NAALADL2: variants seen among roughly 807,000 people sequenced by gnomAD.
NAALADL2 encodes the protein inactive N-acetylated-alpha-linked acidic dipeptidase-like protein 2.
Under a neutral mutation model 87.2 loss-of-function variants are expected in NAALADL2, and 76 were observed. The observed-to-expected ratio is 0.87, with a 90% CI of 0.72 to 1.05. The LOEUF (loss-of-function observed/expected upper bound fraction) is 1.05, where lower values mean the gene tolerates loss of function less well. NAALADL2 is among the 50% of genes least tolerant of loss of function. The pLI, the probability that NAALADL2 is intolerant of heterozygous loss-of-function variation, is 0.00. For synonymous variants in NAALADL2, 354 were observed against 331.0 expected (o/e 1.07, Z -0.75); for missense variants, 1,089 against 945.8 (o/e 1.15, Z -1.99).
chr3:175,191,559 A>C (rs536051364), intron 2 of NAALADL2, among the ~76,000 whole-genome samples: 146 of 152,264 alleles, frequency 9.6e-4, no homozygotes, highest in African/African-American at 3.4e-3. Context: ...CCCAGAAAGC[A>C]CCCCCTGAAT....
intron 10 of NAALADL2, among the ~76,000 whole-genome samples, chr3:175,618,406 C>A (rs1251079253): frequency 6.6e-6 from 1 of 152,196 alleles, no homozygotes; most frequent in Non-Finnish European, 1.5e-5. Flanking sequence ...CCAAAGGGAA[C>A]TGATTCCCCT....
intron 13 of NAALADL2, among the ~76,000 whole-genome samples, chr3:175,766,870 G>A (rs1439757307): frequency 6.6e-6 from 1 of 152,006 alleles, no homozygotes; most frequent in Non-Finnish European, 1.5e-5. Flanking sequence ...ATTTTGAGTA[G>A]CAAAATTTTC....
chr3:175,195,751 A>G (rs1444066445), intron 2 of NAALADL2, among the ~76,000 whole-genome samples: 1 of 151,934 alleles, frequency 6.6e-6, no homozygotes, highest in Non-Finnish European at 1.5e-5. Context: ...TCCATGTTGA[A>G]TTTATTGTTA....
intron 1 of NAALADL2, 37 bp downstream of exon 1, chr3:174,859,487 C>T: frequency 6.4e-7 from 1 of 1,550,740 alleles, no homozygotes; most frequent in Non-Finnish European, 8.9e-7. Context: ...TCACTTTTCA[C>T]AATCAGAAAC....
At chr3:174,803,938 T>C (rs1347554504) in intron 3 of NAALADL2, among the ~76,000 whole-genome samples, 2 of 152,100 alleles carry the variant, frequency 1.3e-5, no homozygotes, top group African/African-American at 2.4e-5. Flanking sequence ...CTTAGGATTG[T>C]CGTGGCTATG....
intron 11 of NAALADL2, among the ~76,000 whole-genome samples, chr3:175,667,223 G>GAAAAAGAAAGAA (rs1156518991): frequency 7.9e-6 from 1 of 127,026 alleles, no homozygotes; most frequent in African/African-American, 4.1e-5. Context: ...AAGAAAGAAA[G>GAAAAAGAAAGAA]AAAGAAAGAA....
intron 1 of NAALADL2, among the ~76,000 whole-genome samples, chr3:174,930,288 A>AT (rs1183865792): frequency 5.9e-5 from 9 of 152,096 alleles, no homozygotes; most frequent in South Asian, 4.1e-4. Flanking sequence ...ATTCCCTGTG[A>AT]TTTTTTTAAA....
rs146461983 is a variant in NAALADL2, at chr3:175,086,790, G to A, written c.44-10000G>A. On this transcript the variant is annotated intron_variant, in intron 1 of 13. Coordinates refer to ENST00000454872, the MANE Select transcript of NAALADL2 (RefSeq NM_207015.3). The stretch of plus-strand genomic sequence containing the variant: ...CTTACCCAAAACTATTAGTAGACAT[G>A]TCTATAAATTTGTAATAAAGATTAA... 2.0e-4 allele frequency among the ~76,000 whole-genome samples: 30 copies of A among 152,170 alleles called. No individual in the cohort carries two copies. In the East Asian group the frequency reaches 5.6e-3, roughly 28 times the overall value.
intron 1 of NAALADL2, among the ~76,000 whole-genome samples, chr3:174,478,108 C>A (rs927400928): frequency 6.6e-6 from 1 of 152,018 alleles, no homozygotes; most frequent in Non-Finnish European, 1.5e-5. Flanking sequence ...AATTATGATA[C>A]AAAATTTAAA....
intron 3 of NAALADL2, among the ~76,000 whole-genome samples, chr3:174,835,593 A>T (rs1401936344): frequency 6.6e-6 from 1 of 152,196 alleles, no homozygotes; most frequent in Non-Finnish European, 1.5e-5. Context: ...GATATTTGTA[A>T]ATCATATATC....
Position 174,547,057 on chromosome 3 carries a change from T to A in NAALADL2, c.-183-3512T>A, listed in dbSNP as rs146207512. Reference sequence around the variant, plus strand: ...TTTCAAAGAGAAGAGTAAGGCATTATATTATTCATTAGATTGATTAGTTTT... The same window carrying A: ...TTTCAAAGAGAAGAGTAAGGCATTAAATTATTCATTAGATTGATTAGTTTT... On this transcript the variant is annotated intron_variant, in intron 1 of 3. Transcript: ENST00000434257. Among the ~76,000 whole-genome samples, 49 of 152,324 alleles carry A rather than the reference T, an allele frequency of 3.2e-4. No homozygotes were observed. The East Asian group carries it at 9.5e-3, about 29-fold the overall frequency.
chr3:175,183,486 C>T (rs1241425589), intron 2 of NAALADL2, among the ~76,000 whole-genome samples: 1 of 151,864 alleles, frequency 6.6e-6, no homozygotes, highest in Non-Finnish European at 1.5e-5. Flanking sequence ...CATATATGGC[C>T]TTTATTGTGT....
chr3:174,625,057 C>T (rs866691168), intron 2 of NAALADL2, among the ~76,000 whole-genome samples: 34 of 78,852 alleles, frequency 4.3e-4, no homozygotes, highest in African/African-American at 1.0e-3. Context: ...CTCTCTCTCT[C>T]TTTTTTTTTT....
chr3:175,478,290 C>A (rs540615509), intron 9 of NAALADL2, among the ~76,000 whole-genome samples: 1 of 151,970 alleles, frequency 6.6e-6, no homozygotes, highest in Non-Finnish European at 1.5e-5. Flanking sequence ...TGATTTAAAA[C>A]CCTTCTTTAC....
At chr3:174,962,434 T>TCATAGTCACTATG (rs1742249889) in intron 1 of NAALADL2, among the ~76,000 whole-genome samples, 3 of 129,148 alleles carry the variant, frequency 2.3e-5, no homozygotes, top group African/African-American at 7.9e-5. Context: ...TATATATATG[T>TCATAGTCACTATG]ATATTTTTAA....
chr3:175,791,664 A>G (rs1752792381), intron 13 of NAALADL2, among the ~76,000 whole-genome samples: 1 of 152,144 alleles, frequency 6.6e-6, no homozygotes, highest in African/African-American at 2.4e-5. Flanking sequence ...GGGATCTTGG[A>G]AATATCCTTA....
intron 2 of NAALADL2, among the ~76,000 whole-genome samples, chr3:174,659,772 C>T (rs76318246): frequency 3.7e-4 from 57 of 152,294 alleles, no homozygotes; most frequent in Middle Eastern, 3.4e-3. Context: ...CCCATGGTCA[C>T]GTCTCCTGTC....
At chr3:175,196,621 A>G (rs1739047152) in intron 2 of NAALADL2, among the ~76,000 whole-genome samples, 1 of 151,896 alleles carries the variant, frequency 6.6e-6, no homozygotes, top group South Asian at 2.1e-4. Context: ...CTCAAATTGT[A>G]TTATTCTATA....
rs193246823 is a variant in NAALADL2, at chr3:175,238,426, C to T, written c.819+4222C>T. 2.6e-5 allele frequency among the ~76,000 whole-genome samples: 4 copies of T among 152,078 alleles called. No homozygotes were observed. The East Asian group carries it at 5.8e-4, about 22-fold the overall frequency. On this transcript the variant is annotated intron_variant, in intron 3 of 13. Transcript: ENST00000454872. ...GAAACAAAATGCAATACGGATAAACCTTACACCTTGTATTTGAAGAACATA... is the reference window on the plus strand; with the variant it reads ...GAAACAAAATGCAATACGGATAAACTTTACACCTTGTATTTGAAGAACATA...
Sources: allele counts gnomAD v4.1 joint callset (sites outside exome capture counted in the v4.1 genomes callset), GRCh38; gene constraint gnomAD v4.1.1; transcripts MANE v1.5; gene names NCBI Gene and HGNC (gene_info 2026-07-23, HGNC 2026-07-21).